CDYL: variants seen among roughly 807,000 people sequenced by gnomAD.
The protein encoded by CDYL is chromodomain Y like.
In CDYL, 8 loss-of-function variants were observed where a neutral mutation model predicts 47.3. The observed-to-expected ratio is 0.17, with a 90% CI of 0.10 to 0.31. CDYL has a LOEUF of 0.31. Among genes scored for constraint, CDYL ranks in the 10% least tolerant of loss-of-function variants. The pLI, the probability that CDYL is intolerant of heterozygous loss-of-function variation, is 1.00. For synonymous variants in CDYL, 266 were observed against 265.0 expected, an observed-to-expected ratio of 1.00 and a Z score of -0.04; for missense variants, 471 against 701.4, an observed-to-expected ratio of 0.67 and a Z score of 3.71.
At chr6:4,911,203 GT>G (rs1434101767) in intron 2 of CDYL, among the ~76,000 whole-genome samples, 1 of 152,178 alleles carries the variant, frequency 6.6e-6, no homozygotes, top group Admixed American at 6.5e-5. Context: ...AAGCGAAGAT[GT>G]CATGACAAAC....
rs566290742 is a variant in CDYL at position 4,846,667 on chromosome 6, A to G, written c.25-45046A>G. Among the ~76,000 whole-genome samples, 12 of 152,300 alleles carry G rather than the reference A, an allele frequency of 7.9e-5. No homozygotes were observed. The South Asian group carries it at 2.5e-3, about 32-fold the overall frequency. On this transcript the variant is annotated intron_variant, in intron 1 of 6. Transcript: ENST00000397588. ...TCTGTTCGCTGTATGTGTGTCTTGC[A>G]TGCTACTAGATGAGATGGTGACAGA...
intron 3 of CDYL, among the ~76,000 whole-genome samples, chr6:4,737,684 G>A (rs377451333): frequency 2.6e-5 from 4 of 151,224 alleles, no homozygotes; most frequent in East Asian, 3.9e-4. Flanking sequence ...GCACCACCAC[G>A]CCTGGCTAAT....
intron 3 of CDYL, among the ~76,000 whole-genome samples, chr6:4,742,317 C>A (rs1757811399): frequency 1.4e-5 from 2 of 142,286 alleles, no homozygotes; most frequent in African/African-American, 5.3e-5. Flanking sequence ...TGCAGTGAGC[C>A]AAGATTGCAC....
intron 2 of CDYL, among the ~76,000 whole-genome samples, chr6:4,723,874 C>A (rs1025187977): frequency 6.6e-6 from 1 of 152,224 alleles, no homozygotes; most frequent in Non-Finnish European, 1.5e-5. Flanking sequence ...TCTAACCGGT[C>A]CCTGCAGAAT....
intron 1 of CDYL, among the ~76,000 whole-genome samples, chr6:4,875,025 A>G (rs919426090): frequency 3.3e-5 from 5 of 152,102 alleles, no homozygotes; most frequent in African/African-American, 9.7e-5. Flanking sequence ...CTTTCTGTGG[A>G]CAAACACAGA....
chr6:4,940,536 G>A (rs899907246), intron 4 of CDYL, among the ~76,000 whole-genome samples: 8 of 152,230 alleles, frequency 5.3e-5, no homozygotes, highest in African/African-American at 1.9e-4. Context: ...TAGGTCACCA[G>A]GTATCTAGAG....
chr6:4,791,092 C>A (rs1758904249), intron 1 of CDYL, among the ~76,000 whole-genome samples: 1 of 152,170 alleles, frequency 6.6e-6, no homozygotes, highest in South Asian at 2.1e-4. Flanking sequence ...TTGGAGAATA[C>A]ATTAAGGGAG....
intron 1 of CDYL, among the ~76,000 whole-genome samples, chr6:4,842,899 T>C (rs1455182539): frequency 1.3e-5 from 2 of 152,210 alleles, no homozygotes; most frequent in East Asian, 3.8e-4. Flanking sequence ...GGTTCTATTT[T>C]GGTGTATGTC....
chr6:4,785,034 C>T (rs982637776), intron 1 of CDYL, among the ~76,000 whole-genome samples: 1 of 152,156 alleles, frequency 6.6e-6, no homozygotes, highest in Admixed American at 6.5e-5. Flanking sequence ...TATAAATTAC[C>T]CGGTCTCGGG....
Position 4,793,282 on chromosome 6 carries a change from G to A in CDYL, c.24+16475G>A, listed in dbSNP as rs146334270. 1.8e-3 allele frequency among the ~76,000 whole-genome samples: 275 copies of A among 152,284 alleles called. 2 individuals carry two copies. Among genetic ancestry groups the A allele is most frequent in the African/African-American group, 6.4e-3 (264 of 41,556 alleles). Reference sequence around the variant, plus strand: ...GGGCATGACCGCTCAGCCACTGCCCGCCCACCTTCAAGGAGCTTTTATTCT... The same window carrying A: ...GGGCATGACCGCTCAGCCACTGCCCACCCACCTTCAAGGAGCTTTTATTCT... On this transcript the variant is annotated intron_variant, in intron 1 of 6. Coordinates refer to ENST00000397588, the MANE Select transcript of CDYL (RefSeq NM_004824.4).
chr6:4,921,196 G>A (rs1757704713), intron 2 of CDYL, among the ~76,000 whole-genome samples: 1 of 152,184 alleles, frequency 6.6e-6, no homozygotes, highest in Non-Finnish European at 1.5e-5. Flanking sequence ...AGGGCAGGAA[G>A]CACCAACATA....
At chr6:4,952,124 AG>A (rs1423101238) in intron 5 of CDYL, 141 bp from the exon 6 acceptor site, 3 of 860,348 alleles carry the variant, frequency 3.5e-6, no homozygotes, top group Non-Finnish European at 5.3e-6. Context: ...GTCTGTTCCC[AG>A]CGGCCCCTAG....
At chr6:4,844,219 C>T (rs1020053709) in intron 1 of CDYL, among the ~76,000 whole-genome samples, 1 of 152,118 alleles carries the variant, frequency 6.6e-6, no homozygotes, top group South Asian at 2.1e-4. Flanking sequence ...AGCACCTGAG[C>T]GTGCTTAATT....
At chr6:4,767,259 TAA>T (rs35058381) in intron 3 of CDYL, among the ~76,000 whole-genome samples, 18,932 of 145,022 alleles carry the variant, frequency 0.13, 1,372 homozygotes, top group African/African-American at 0.2. Context: ...TCATTCATGA[TAA>T]AAAAAAAAAA....
At chr6:4,902,730 G>A (rs1051531114) in intron 2 of CDYL, among the ~76,000 whole-genome samples, 7 of 92,174 alleles carry the variant, frequency 7.6e-5, no homozygotes, top group Non-Finnish European at 2.1e-4. Flanking sequence ...GGATCCCCTT[G>A]GAGAAGGTGC....
intron 1 of CDYL, among the ~76,000 whole-genome samples, chr6:4,830,447 G>T (rs182938172): frequency 6.6e-6 from 1 of 152,228 alleles, no homozygotes; most frequent in African/African-American, 2.4e-5. Flanking sequence ...CATTGTGTCT[G>T]TGGTCACAGC....
intron 2 of CDYL, among the ~76,000 whole-genome samples, chr6:4,911,170 T>TA (rs1219750890): frequency 6.6e-6 from 1 of 152,132 alleles, no homozygotes; most frequent in Non-Finnish European, 1.5e-5. Flanking sequence ...AATACAGGGA[T>TA]ATAGTGTTCT....
At chr6:4,767,462 A>T (rs1248623254) in intron 3 of CDYL, among the ~76,000 whole-genome samples, 2 of 152,024 alleles carry the variant, frequency 1.3e-5, no homozygotes, top group East Asian at 1.9e-4. Context: ...AATCCCAGCT[A>T]CTTGGGAGGC....
At chr6:4,869,864 A>C (rs1220813430) in intron 1 of CDYL, among the ~76,000 whole-genome samples, 1 of 152,194 alleles carries the variant, frequency 6.6e-6, no homozygotes, top group Non-Finnish European at 1.5e-5. Context: ...ATATTCAAAT[A>C]GTCTTCTGTA....
Sources: gnomAD v4.1 joint callset for allele counts (sites outside exome capture counted in the v4.1 genomes callset) on GRCh38, gnomAD v4.1.1 for gene constraint, MANE v1.5 for transcripts, NCBI Gene and HGNC (gene_info 2026-07-23, HGNC 2026-07-21) for gene names.